AFMID: variants seen among roughly 807,000 people sequenced by gnomAD.
AFMID encodes arylformamidase, also known as kynurenine formamidase.
In AFMID, 39 loss-of-function variants were observed where a neutral mutation model predicts 47.5. That is an observed-to-expected ratio of 0.82 (90% CI 0.64 to 1.07). AFMID has a LOEUF of 1.07. AFMID is among the 50% of genes least tolerant of loss of function. The pLI is 0.00. For synonymous variants in AFMID, 130 were observed against 153.2 expected (o/e 0.85, Z 1.12); for missense variants, 375 against 387.5 (o/e 0.97, Z 0.27).
chr17:78,205,213 G>A (rs1240593422), intron 7 of AFMID, 23 bp downstream of exon 7: 9 of 1,598,448 alleles, frequency 5.6e-6, no homozygotes, highest in African/African-American at 1.3e-5. Context: ...GCTACAGCCT[G>A]GCTGGGCAAC....
chr17:78,205,302 T>C, intron 7 of AFMID, 112 bp downstream of exon 7: 1 of 1,422,076 alleles, frequency 7.0e-7, no homozygotes, highest in South Asian at 1.2e-5. Flanking sequence ...ACCGCAGGGC[T>C]TCGAGCCCTC....
intron 5 of AFMID, 30 bp downstream of exon 5, chr17:78,204,771 G>A (rs371810178): frequency 3.1e-6 from 5 of 1,614,056 alleles, no homozygotes; most frequent in Non-Finnish European, 4.2e-6. Context: ...CAGGTCCGAG[G>A]GCCGGTGGGC....
At position 78,207,188 on chromosome 17, in the gene AFMID, C is replaced by T. The variant is rs573362230; in HGVS notation, c.*251C>T. On this transcript the variant is annotated 3_prime_UTR_variant, in exon 11 of 11. Coordinates refer to ENST00000409257, the MANE Select transcript of AFMID (RefSeq NM_001010982.5). ...CCGCAAGTCAATGCTCAGAGATGCC[C>T]GGAGCTGCCTCTTAGACTCGTCTGG... 56 of 557,292 alleles carry T rather than the reference C, an allele frequency of 1.0e-4. No individual in the cohort carries two copies. Among genetic ancestry groups the T allele is most frequent in the African/African-American group, 7.5e-4 (39 of 52,268 alleles). 34.5% of individuals were successfully genotyped at this position (557,292 alleles called of 1,614,324 possible).
chr17:78,193,793 C>T (rs898919033), intron 2 of AFMID, among the ~76,000 whole-genome samples: 4 of 151,860 alleles, frequency 2.6e-5, no homozygotes, highest in Non-Finnish European at 4.4e-5. Flanking sequence ...CTGGCTAACA[C>T]GGTGAAACCC....
intron 2 of AFMID, among the ~76,000 whole-genome samples, chr17:78,198,937 G>T (rs2076179204): frequency 6.6e-6 from 1 of 152,164 alleles, no homozygotes; most frequent in African/African-American, 2.4e-5. Context: ...TCTTCATATG[G>T]ATATAGACTC....
chr17:78,190,326 C>T (rs768357735), intron 1 of AFMID, among the ~76,000 whole-genome samples: 6 of 152,148 alleles, frequency 3.9e-5, no homozygotes, highest in Non-Finnish European at 8.8e-5. Context: ...TCCTCCTCAC[C>T]TCTGTGCCTT....
intron 7 of AFMID, 39 bp downstream of exon 7, chr17:78,205,229 T>C (rs930427768): frequency 5.1e-6 from 8 of 1,575,690 alleles, no homozygotes; most frequent in Non-Finnish European, 6.9e-6. Context: ...GCAACCTTCA[T>C]CTCCCCATGA....
chr17:78,192,721 C>G, intron 2 of AFMID: 1 of 464,626 alleles, frequency 2.2e-6, no homozygotes, highest in Non-Finnish European at 4.5e-6. Context: ...TGCTGTACCA[C>G]GATCTGAACA....
chr17:78,189,371 C>T (rs528018541), intron 1 of AFMID, among the ~76,000 whole-genome samples: 17 of 151,544 alleles, frequency 1.1e-4, no homozygotes, highest in Admixed American at 2.0e-4. Flanking sequence ...TACGGGCGCC[C>T]GCCACCATGC....
intron 4 of AFMID, 50 bp downstream of exon 4, chr17:78,202,801 C>T: frequency 6.5e-7 from 1 of 1,547,820 alleles, no homozygotes. Flanking sequence ...TCCACTTTCC[C>T]TGGGGGACTC....
At chr17:78,196,296 C>A (rs2076112052) in intron 2 of AFMID, among the ~76,000 whole-genome samples, 1 of 152,128 alleles carries the variant, frequency 6.6e-6, no homozygotes, top group Non-Finnish European at 1.5e-5. Flanking sequence ...ACTCAGGAGG[C>A]AGAGGTTGCA....
Position 78,194,794 on chromosome 17 carries a change from A to G in AFMID, c.154+3734A>G, listed in dbSNP as rs537106715. On this transcript the variant is annotated intron_variant, in intron 2 of 10. Transcript: ENST00000409257. ...ACCGCAACCTCCGCCTCCCAGGTTC[A>G]AGCGATTCTCCTGCCTCAGCCTCCT... Among the ~76,000 whole-genome samples the G allele has an allele frequency of 1.2e-4, 18 of 152,244 alleles. No homozygotes were observed. In the South Asian group the frequency reaches 3.5e-3, roughly 30 times the overall value.
Position 78,187,419 on chromosome 17 carries a change from A to T in AFMID, c.49A>T (p.Lys17Ter). ...TTTCCCAAGCAAGGTTCCTTGGAAG[A>T]AGATGTCTGCAGAGGTAGGTGGATT... ...VGFPSKVPWK[K>*]MSAEELENQY... The change falls in exon 1 of 11, where the codon AAG (lysine) becomes TAG (stop). Residue 17 changes from lysine to a stop codon, truncating the protein, a stop_gained. Coordinates refer to ENST00000409257, the MANE Select transcript of AFMID (RefSeq NM_001010982.5). LOFTEE classifies it high-confidence loss of function. 1 of 1,613,858 alleles carries T rather than the reference A, an allele frequency of 6.2e-7. No individual in the cohort carries two copies. Among genetic ancestry groups the T allele is most frequent in the Admixed American group, 1.7e-5 (1 of 60,000 alleles).
rs753026519 is a variant in AFMID at position 78,205,184 on chromosome 17, C to G, written c.559C>G (p.Leu187Val). 6.2e-7 allele frequency: 1 copy of G among 1,611,088 alleles called. No homozygotes were observed. Among genetic ancestry groups the G allele is most frequent in the South Asian group, 1.1e-5 (1 of 90,478 alleles). The change falls in exon 7 of 11, where the codon CTC becomes GTC. Residue 187 changes from leucine to valine, a missense_variant. Coordinates refer to ENST00000409257, the MANE Select transcript of AFMID (RefSeq NM_001010982.5). ...DWTKHGVTPNLRGFFLVSGVF... is the reference protein window; with the variant it reads ...DWTKHGVTPNVRGFFLVSGVF... ...GACCAAGCATGGGGTCACGCCCAAC[C>G]TCAGAGGTTTCCATGGGAGCTACAG...
chr17:78,202,881 C>T, intron 4 of AFMID, 130 bp downstream of exon 4: 2 of 1,147,826 alleles, frequency 1.7e-6, no homozygotes, highest in South Asian at 2.8e-5. Flanking sequence ...TCTCACAGCG[C>T]TGGAGAACGG....
At chr17:78,196,548 A>G (rs1026721598) in intron 2 of AFMID, among the ~76,000 whole-genome samples, 20 of 152,052 alleles carry the variant, frequency 1.3e-4, no homozygotes, top group Non-Finnish European at 2.6e-4. Flanking sequence ...GCATAGTGGC[A>G]CATGCCTGTA....
chr17:78,187,456 C>T, intron 1 of AFMID, 23 bp downstream of exon 1: 1 of 1,613,436 alleles, frequency 6.2e-7, no homozygotes, highest in Middle Eastern at 1.7e-4. Flanking sequence ...CAGGGAGGGA[C>T]TAAGGGGCTG....
chr17:78,197,843 G>A (rs1466756240), intron 2 of AFMID, among the ~76,000 whole-genome samples: 1 of 152,088 alleles, frequency 6.6e-6, no homozygotes, highest in Non-Finnish European at 1.5e-5. Flanking sequence ...AAAGAGAGGG[G>A]GCCGGTGGCG....
intron 2 of AFMID, among the ~76,000 whole-genome samples, chr17:78,201,464 C>CA (rs1338216824): frequency 1.3e-5 from 2 of 151,884 alleles, no homozygotes; most frequent in Non-Finnish European, 2.9e-5. Flanking sequence ...ACTAAAAATA[C>CA]AAAAATTAGC....
Sources: allele counts gnomAD v4.1 joint callset (sites outside exome capture counted in the v4.1 genomes callset), GRCh38; gene constraint gnomAD v4.1.1; transcripts MANE v1.5; gene names NCBI Gene and HGNC (gene_info 2026-07-23, HGNC 2026-07-21).